The following SHCBP1 variants were observed in gnomAD, a reference collection of about 807,000 sequenced individuals.
SHCBP1 encodes the protein SHC SH2 domain-binding protein 1.
A neutral mutation model predicts 75.1 loss-of-function variants in SHCBP1; 60 were observed. The ratio of observed to expected loss-of-function variants is 0.80; its 90% CI spans 0.65 to 0.99. The LOEUF is 0.99. Among genes scored for constraint, SHCBP1 ranks in the 50% least tolerant of loss-of-function variants. The probability of loss-of-function intolerance (pLI) is 0.00; values close to 1 mark genes in which losing one functional copy is unlikely to be tolerated. For synonymous variants in SHCBP1, 290 were observed against 293.2 expected, an observed-to-expected ratio of 0.99 and a Z score of 0.11; for missense variants, 709 against 809.4, an observed-to-expected ratio of 0.88 and a Z score of 1.50.
rs552592300 is a variant in SHCBP1, at chr16:46,590,374, C to G, written c.1464+5178G>C. On this transcript the variant is annotated intron_variant, in intron 10 of 12. Transcript: ENST00000303383. ...CAGAACAAACTACCATCAGAGTGAA[C>G]AGGCAACCTACAGAATGCAAGAAAA... Among the ~76,000 whole-genome samples, 6 of 152,260 alleles carry G rather than the reference C, an allele frequency of 3.9e-5. No individual in the cohort carries two copies. The South Asian group carries it at 1.2e-3, about 32-fold the overall frequency.
In SHCBP1 at chr16:46,583,565, T is replaced by C. The variant is rs756413225; in HGVS notation, c.1644A>G (p.Lys548=). The part of the protein sequence containing the change: ...NNEGYGVVLV[K]PTIFSDLQEN... Reference sequence around the variant, plus strand: ...CTTGCAGGTCAGAGAAGATTGTAGGTTTCACCAAGACAACACCATAACCTT... The same window carrying C: ...CTTGCAGGTCAGAGAAGATTGTAGGCTTCACCAAGACAACACCATAACCTT... Residue 548 remains lysine (K), a synonymous_variant, in exon 12 of 13, where the codon AAA becomes AAG. Transcript: ENST00000303383. The C allele has an allele frequency of 6.2e-7, 1 of 1,610,834 alleles. No individual in the cohort carries two copies. The highest frequency in any genetic ancestry group is 1.1e-5 in the South Asian group (1 of 89,884).
At chr16:46,617,493 C>T in intron 3 of SHCBP1, 141 bp downstream of exon 3, 2 of 470,408 alleles carry the variant, frequency 4.3e-6, no homozygotes, top group South Asian at 2.7e-5. Flanking sequence ...ACACTTCCTA[C>T]AACATGGCAA....
intron 10 of SHCBP1, among the ~76,000 whole-genome samples, chr16:46,589,539 C>T (rs1244869856): frequency 1.3e-5 from 2 of 152,146 alleles, no homozygotes; most frequent in African/African-American, 2.4e-5. Flanking sequence ...AACAGATAAA[C>T]AGAGAGTCAA....
chr16:46,588,468 A>G (rs1964988234), intron 10 of SHCBP1, among the ~76,000 whole-genome samples: 1 of 152,242 alleles, frequency 6.6e-6, no homozygotes, highest in South Asian at 2.1e-4. Flanking sequence ...AAATAGATGC[A>G]ATAAAAACTA....
In SHCBP1 at chr16:46,578,937, C is replaced by G. The variant is rs1964831194; in HGVS notation, c.*2792G>C. ...CAATCTCCCTCTGAAAAGCAAAATC[C>G]AGAAAATGATTATTTCACCATCCTT... On this transcript the variant is annotated 3_prime_UTR_variant, in exon 13 of 13. Transcript: ENST00000303383. 6.6e-6 allele frequency among the ~76,000 whole-genome samples: 1 copy of G among 152,050 alleles called. No individual in the cohort carries two copies. The highest frequency in any genetic ancestry group is 2.1e-4 in the South Asian group (1 of 4,830).
intron 4 of SHCBP1, among the ~76,000 whole-genome samples, chr16:46,615,430 T>C (rs1257933334): frequency 6.6e-6 from 1 of 152,192 alleles, no homozygotes; most frequent in Non-Finnish European, 1.5e-5. Context: ...TTTGAAATTA[T>C]CATAAAATGA....
chr16:46,583,961 C>T, intron 11 of SHCBP1, 42 bp downstream of exon 11: 1 of 1,504,502 alleles, frequency 6.6e-7, no homozygotes, highest in Non-Finnish European at 9.1e-7. Context: ...TAGGTAAAAC[C>T]ATTCTATCCA....
chr16:46,621,374 G>A lies in SHCBP1; in HGVS notation c.-15C>T. ...CCGTCAGCCATTTCAAATTTCCGCG[G>A]ACGGCAGCCCAGGCAACGACGTGAT... On this transcript the variant is annotated 5_prime_UTR_variant, in exon 1 of 13. Transcript: ENST00000303383. 1 of 1,610,004 alleles carries A rather than the reference G, an allele frequency of 6.2e-7. No homozygotes were observed. Among genetic ancestry groups the A allele is most frequent in the Non-Finnish European group, 8.5e-7 (1 of 1,178,262 alleles).
At position 46,581,363 on chromosome 16, in the gene SHCBP1, C is replaced by T. The variant is rs1964867942; in HGVS notation, c.*366G>A. The T allele has an allele frequency of 1.8e-5, 4 of 216,414 alleles. No homozygotes were observed. The South Asian group carries it at 3.4e-4, about 18-fold the overall frequency. 13.4% of individuals were successfully genotyped at this position (216,414 alleles called of 1,614,324 possible). ...AAGAAGAATGCTGTACATATGACAC[C>T]TATTGCATTTTTATGCACTAGTCTT... On this transcript the variant is annotated 3_prime_UTR_variant, in exon 13 of 13. Coordinates refer to ENST00000303383, the MANE Select transcript of SHCBP1 (RefSeq NM_024745.5).
intron 10 of SHCBP1, among the ~76,000 whole-genome samples, chr16:46,585,892 C>A (rs1392452070): frequency 6.6e-6 from 1 of 152,170 alleles, no homozygotes; most frequent in Non-Finnish European, 1.5e-5. Context: ...AAGGAGCTCC[C>A]CCACCCAACT....
At chr16:46,585,522 C>T (rs1964943410) in intron 10 of SHCBP1, among the ~76,000 whole-genome samples, 1 of 151,566 alleles carries the variant, frequency 6.6e-6, no homozygotes, top group Non-Finnish European at 1.5e-5. Context: ...GACATACACC[C>T]AAAAAAAAGC....
chr16:46,599,738 G>T, intron 9 of SHCBP1, 93 bp downstream of exon 9: 1 of 903,860 alleles, frequency 1.1e-6, no homozygotes, highest in Non-Finnish European at 1.5e-6. Context: ...CTGTACTCAA[G>T]AGTGGCATTT....
At chr16:46,595,327 A>T (rs1176970736) in intron 10 of SHCBP1, among the ~76,000 whole-genome samples, 2 of 151,998 alleles carry the variant, frequency 1.3e-5, no homozygotes, top group Admixed American at 6.6e-5. Context: ...AAGGGTCTAA[A>T]CCTCTCTTAA....
intron 2 of SHCBP1, among the ~76,000 whole-genome samples, 164 bp from the exon 3 acceptor site, chr16:46,617,913 C>T (rs1356297368): frequency 6.6e-6 from 1 of 152,244 alleles, no homozygotes; most frequent in Non-Finnish European, 1.5e-5. Context: ...GGCAGTGGCT[C>T]ATGCCTATAA....
At chr16:46,606,762 A>T (rs1441485383) in intron 5 of SHCBP1, among the ~76,000 whole-genome samples, 4 of 152,214 alleles carry the variant, frequency 2.6e-5, no homozygotes, top group African/African-American at 7.2e-5. Flanking sequence ...CCATTTACGA[A>T]GAGCTAAAAT....
At chr16:46,620,892 C>T (rs1184509317) in intron 1 of SHCBP1, 1 of 193,786 alleles carries the variant, frequency 5.2e-6, no homozygotes, top group African/African-American at 2.3e-5. Flanking sequence ...AAGTGTGGTT[C>T]GTGATCTCCT....
rs1555519118 is a variant in SHCBP1, at chr16:46,599,688, A to AAAATAAAAAAAAAAAATAC, written c.1345+142_1345+143insGTATTTTTTTTTTTTATTT. On this transcript the variant is annotated intron_variant, in intron 9 of 12. Transcript: ENST00000303383. ...AATTTGTAAAAAAAAAAAAAAAAAAAAAAACTCAGCATCGTGAAGTGCAAT... is the reference window on the plus strand; with the variant it reads ...AATTTGTAAAAAAAAAAAAAAAAAAAAAATAAAAAAAAAAAATACAAAACTCAGCATCGTGAAGTGCAAT... 2 of 74,240 alleles carry AAAATAAAAAAAAAAAATAC rather than the reference A, an allele frequency of 2.7e-5. 1 individual carries two copies. The highest frequency in any genetic ancestry group is 4.8e-5 in the Non-Finnish European group (2 of 41,928). 4.6% of individuals were successfully genotyped at this position (74,240 alleles called of 1,614,324 possible).
At chr16:46,590,470 G>GA (rs1368637185) in intron 10 of SHCBP1, among the ~76,000 whole-genome samples, 46 of 152,160 alleles carry the variant, frequency 3.0e-4, no homozygotes, top group African/African-American at 1.0e-3. Flanking sequence ...AAATTTACAA[G>GA]AAAAAATCAA....
Position 46,583,576 on chromosome 16 carries a change from C to T in SHCBP1, c.1633G>A (p.Val545Ile). 6.2e-7 allele frequency: 1 copy of T among 1,611,760 alleles called. No individual in the cohort carries two copies. Among genetic ancestry groups the T allele is most frequent in the Middle Eastern group, 1.7e-4 (1 of 6,050 alleles). Residue 545 changes from valine to isoleucine, a missense_variant, in exon 12 of 13, where the codon GTC becomes ATC. Val to Ile is a conservative substitution (Grantham distance 29). Transcript: ENST00000303383. ...GAGAAGATTGTAGGTTTCACCAAGA[C>T]AACACCATAACCTTCATTATTATGT... ...IIHNNEGYGV[V>I]LVKPTIFSDL...
Sources: gnomAD v4.1 joint callset for allele counts (sites outside exome capture counted in the v4.1 genomes callset) on GRCh38, gnomAD v4.1.1 for gene constraint, MANE v1.5 for transcripts, NCBI Gene and HGNC (gene_info 2026-07-23, HGNC 2026-07-21) for gene names.